ASXL1: variants seen among roughly 807,000 people sequenced by gnomAD.
The protein encoded by ASXL1 is polycomb group protein ASXL1.
In ASXL1, 65 loss-of-function variants were observed where a neutral mutation model predicts 89.1. The ratio of observed to expected loss-of-function variants is 0.73; its 90% CI spans 0.60 to 0.90. The LOEUF (loss-of-function observed/expected upper bound fraction) is 0.90. Among genes scored for constraint, ASXL1 ranks in the 40% least tolerant of loss-of-function variants. The pLI, the probability that ASXL1 is intolerant of heterozygous loss-of-function variation, is 0.00. For missense variants in ASXL1, 1,786 were observed against 1,942.9 expected (o/e 0.92, Z 1.52); for synonymous variants, 739 against 746.9 (o/e 0.99, Z 0.17).
chr20:32,377,598 AAC>A (rs1392528206), intron 4 of ASXL1, among the ~76,000 whole-genome samples: 1 of 152,150 alleles, frequency 6.6e-6, no homozygotes, highest in Non-Finnish European at 1.5e-5. Flanking sequence ...CCCAAGTCTA[AAC>A]ACAGAATTCA....
chr20:32,433,409 G>C lies in ASXL1; in HGVS notation c.1211G>C (p.Arg404Pro), dbSNP rs748755685. 1.2e-6 allele frequency: 2 copies of C among 1,614,188 alleles called. No individual in the cohort carries two copies. The highest frequency in any genetic ancestry group is 1.7e-6 in the Non-Finnish European group (2 of 1,180,026). The stretch of plus-strand genomic sequence containing the variant: ...CAGCGTGGTCCAGCCACCCGACAGC[G>C]AGATGGGCATTTTAAGAAACGCTCT... ...RIQRGPATRQRDGHFKKRSRP... is the reference protein window; with the variant it reads ...RIQRGPATRQPDGHFKKRSRP... Residue 404 changes from arginine to proline, a missense_variant, in exon 12 of 13, where the codon CGA becomes CCA. By Grantham distance (103) the Arg-to-Pro change is moderately radical. Coordinates refer to ENST00000375687, the MANE Select transcript of ASXL1 (RefSeq NM_015338.6).
Position 32,437,524 on chromosome 20 carries a change from G to T in ASXL1, c.*186G>T. 1 of 922,412 alleles carries T rather than the reference G, an allele frequency of 1.1e-6. No individual in the cohort carries two copies. Among genetic ancestry groups the T allele is most frequent in the South Asian group, 1.6e-5 (1 of 61,782 alleles). The allele number at this position is 922,412 out of a possible 1,614,324, so 57.1% of individuals were successfully genotyped here. A position where few individuals can be genotyped will look rare whatever the true frequency, so the allele number is the denominator to read the frequency against. On this transcript the variant is annotated 3_prime_UTR_variant, in exon 13 of 13. Transcript: ENST00000375687. Reference sequence around the variant, plus strand: ...CGACCCTTCTGGTCTTGCTGGAGGGGTTTCCTGGGTATAACCCATTGGGCT... The same window carrying T: ...CGACCCTTCTGGTCTTGCTGGAGGGTTTTCCTGGGTATAACCCATTGGGCT...
At chr20:32,398,627 TGAGACGGA>T (rs2048812670) in intron 4 of ASXL1, among the ~76,000 whole-genome samples, 1 of 148,280 alleles carries the variant, frequency 6.7e-6, no homozygotes, top group African/African-American at 2.5e-5. Context: ...TTTTTTTTTT[TGAGACGGA>T]GTCTTGCTCT....
intron 1 of ASXL1, among the ~76,000 whole-genome samples, chr20:32,361,482 AC>A (rs1249335770): frequency 6.6e-6 from 1 of 151,836 alleles, no homozygotes; most frequent in Non-Finnish European, 1.5e-5. Context: ...TACTAAAAAT[AC>A]AAAAATTAGC....
chr20:32,364,140 C>G (rs964610584), intron 1 of ASXL1, among the ~76,000 whole-genome samples: 1 of 152,090 alleles, frequency 6.6e-6, no homozygotes, highest in African/African-American at 2.4e-5. Context: ...ACCGGTGGGC[C>G]AGTGGACTTT....
rs368640734 is a variant in ASXL1, at chr20:32,435,134, C to T, written c.2422C>T (p.Pro808Ser). 6.2e-7 allele frequency: 1 copy of T among 1,613,922 alleles called. No homozygotes were observed. The highest frequency in any genetic ancestry group is 1.1e-5 in the South Asian group (1 of 91,082). The change falls in exon 13 of 13, where the codon CCT becomes TCT. Residue 808 changes from proline (P) to serine (S), a missense_variant. Around this residue, in one of 3 missense-constraint regions of ASXL1, gnomAD observed 1,418 missense variants for 1,427.8 expected, o/e 0.99. Coordinates refer to ENST00000375687, the MANE Select transcript of ASXL1 (RefSeq NM_015338.6). ...TGATGAGGAGCAAGGACCCACCGTT[C>T]CTGCAGACAATGGTCCCATTCCGTC... ...SDDEEQGPTV[P>S]ADNGPIPSLV... is the part of the protein sequence containing the mutation.
chr20:32,428,609 GT>G (rs1048913874), intron 6 of ASXL1, among the ~76,000 whole-genome samples, 187 bp downstream of exon 6: 3 of 128,802 alleles, frequency 2.3e-5, no homozygotes, highest in African/African-American at 8.5e-5. Context: ...AGCAGAGTAA[GT>G]TTTTTCTCTT....
chr20:32,358,895 C>T (rs2048058950), intron 1 of ASXL1, 63 bp downstream of exon 1: 3 of 1,418,312 alleles, frequency 2.1e-6, no homozygotes, highest in South Asian at 1.5e-5. Context: ...GCCGCGCACC[C>T]CCCCACTGGG....
At chr20:32,407,414 C>T (rs546450760) in intron 4 of ASXL1, among the ~76,000 whole-genome samples, 9 of 152,044 alleles carry the variant, frequency 5.9e-5, no homozygotes, top group Admixed American at 2.0e-4. Context: ...TACTGTATCC[C>T]GAGTATGTGT....
At chr20:32,422,223 G>T (rs1320781328) in intron 4 of ASXL1, among the ~76,000 whole-genome samples, 1 of 150,964 alleles carries the variant, frequency 6.6e-6, no homozygotes, top group Non-Finnish European at 1.5e-5. Context: ...AGGGGCACAA[G>T]GAAACTTTTG....
intron 4 of ASXL1, among the ~76,000 whole-genome samples, chr20:32,401,932 A>G (rs1266577854): frequency 6.6e-6 from 1 of 152,260 alleles, no homozygotes; most frequent in Non-Finnish European, 1.5e-5. Context: ...ATAAAAAATT[A>G]TAACAATATA....
chr20:32,361,351 A>G (rs1207448070), intron 1 of ASXL1, among the ~76,000 whole-genome samples: 1 of 151,842 alleles, frequency 6.6e-6, no homozygotes, highest in Non-Finnish European at 1.5e-5. Context: ...CTCTAAAAAA[A>G]TAATGAGGCT....
chr20:32,398,606 T>TG (rs1555906484), intron 4 of ASXL1, among the ~76,000 whole-genome samples: 6 of 147,838 alleles, frequency 4.1e-5, no homozygotes, highest in East Asian at 2.0e-4. Flanking sequence ...TTTGTTTGTT[T>TG]TTTTTTTTGT....
Position 32,428,134 on chromosome 20 carries a change from G to A in ASXL1, c.259G>A (p.Ala87Thr). The change falls in exon 5 of 13, where the codon GCC becomes ACC. Residue 87 changes from alanine to threonine, a missense_variant. By Grantham distance (58) the Ala-to-Thr change is moderately conservative. This residue lies in a region of ASXL1 where 332 missense variants were observed against 449.7 expected (regional missense o/e 0.74). Transcript: ENST00000375687. ...RISLFTLKKDALQWSRHPATV... is the reference protein window; with the variant it reads ...RISLFTLKKDTLQWSRHPATV... ...TTGTACCTTGCTGTCACAGAAGGAT[G>A]CCCTGCAGTGGTCTCGCCATCCAGC... The A allele has an allele frequency of 1.9e-6, 3 of 1,613,360 alleles. No homozygotes were observed. The highest frequency in any genetic ancestry group is 1.7e-6 in the Non-Finnish European group (2 of 1,180,016).
intron 4 of ASXL1, among the ~76,000 whole-genome samples, chr20:32,415,113 A>G (rs572272057): frequency 4.1e-4 from 62 of 152,126 alleles, no homozygotes; most frequent in Non-Finnish European, 7.9e-4. Flanking sequence ...GGTTCAAGCA[A>G]TTCTCCAGCC....
chr20:32,364,184 A>C (rs1392839043), intron 1 of ASXL1, among the ~76,000 whole-genome samples: 1 of 151,984 alleles, frequency 6.6e-6, no homozygotes, highest in Non-Finnish European at 1.5e-5. Flanking sequence ...GTGATTAAGG[A>C]GCTGTTGAAG....
chr20:32,398,061 CTG>C (rs2048800910), intron 4 of ASXL1, among the ~76,000 whole-genome samples: 1 of 152,158 alleles, frequency 6.6e-6, no homozygotes, highest in African/African-American at 2.4e-5. Flanking sequence ...AGTTAAAACA[CTG>C]TTATAAAGTT....
intron 4 of ASXL1, among the ~76,000 whole-genome samples, chr20:32,416,445 C>G (rs1307061469): frequency 6.6e-6 from 1 of 152,218 alleles, no homozygotes; most frequent in Non-Finnish European, 1.5e-5. Flanking sequence ...TTCCCAGTAG[C>G]TACAACCACT....
At position 32,429,939 on chromosome 20, in the gene ASXL1, C is replaced by A. The variant is rs767787155; in HGVS notation, c.604C>A (p.Pro202Thr). The A allele has an allele frequency of 6.2e-7, 1 of 1,608,372 alleles. No homozygotes were observed. Among genetic ancestry groups the A allele is most frequent in the Non-Finnish European group, 8.5e-7 (1 of 1,179,564 alleles). Residue 202 changes from proline to threonine, a missense_variant, in exon 8 of 13, where the codon CCG (proline) becomes ACG (threonine). Coordinates refer to ENST00000375687, the MANE Select transcript of ASXL1 (RefSeq NM_015338.6). The surrounding 1 kb of genome is among the most constrained non-coding windows in gnomAD (Gnocchi z 4.9). ...CCACGCCGATGGCGAGAGCGGCAGC[C>A]CGTCCAGCAGCAGCAGCGGCTCTCT... ...GCHADGESGSPSSSSSGSLAL... is the reference protein window; with the variant it reads ...GCHADGESGSTSSSSSGSLAL...
Sources: gnomAD v4.1 joint callset for allele counts (sites outside exome capture counted in the v4.1 genomes callset) on GRCh38, gnomAD v4.1.1 for gene constraint, gnomAD v4.1.1 regional missense constraint, Gnocchi (gnomAD v3.1) non-coding constraint, MANE v1.5 for transcripts, NCBI Gene and HGNC (gene_info 2026-07-23, HGNC 2026-07-21) for gene names.